The following MTR variants were observed in gnomAD, a reference collection of about 807,000 sequenced individuals.
The protein encoded by MTR is methionine synthase.
In MTR, 84 loss-of-function variants were observed where a neutral mutation model predicts 154.8. The ratio of observed to expected loss-of-function variants is 0.54; its 90% confidence interval spans 0.45 to 0.65. MTR has a LOEUF of 0.65. Among genes scored for constraint, MTR ranks in the 30% least tolerant of loss-of-function variants. The pLI, the probability that MTR is intolerant of heterozygous loss-of-function variation, is 0.00. For synonymous variants in MTR, 554 were observed against 553.9 expected (o/e 1.00, Z 0.00); for missense variants, 1,275 against 1,570.2 (o/e 0.81, Z 3.18).
chr1:236,796,779 A>G (rs925299685), intron 1 of MTR, among the ~76,000 whole-genome samples: 1 of 91,860 alleles, frequency 1.1e-5, no homozygotes, highest in African/African-American at 6.0e-5. Flanking sequence ...CATCTTATTT[A>G]TATTTAATAT....
Position 236,825,321 on chromosome 1 carries a change from G to A in MTR, c.866-17G>A. On this transcript the variant is annotated splice_polypyrimidine_tract_variant and intron_variant, in intron 9 of 32. Coordinates refer to ENST00000366577, the MANE Select transcript of MTR (RefSeq NM_000254.3). Reference sequence around the variant, plus strand: ...TTTAAGGCAATTTGCAATAATGGTTGAATTATCCTTTCTCAGGTCTTCCCA... The same window carrying A: ...TTTAAGGCAATTTGCAATAATGGTTAAATTATCCTTTCTCAGGTCTTCCCA... 1 of 1,605,190 alleles carries A rather than the reference G, an allele frequency of 6.2e-7. No homozygotes were observed. The highest frequency in any genetic ancestry group is 8.5e-7 in the Non-Finnish European group (1 of 1,172,062).
At chr1:236,823,247 A>G (rs1452830958) in intron 8 of MTR, among the ~76,000 whole-genome samples, 1 of 152,128 alleles carries the variant, frequency 6.6e-6, no homozygotes, top group African/African-American at 2.4e-5. Flanking sequence ...GTGTTTTTGG[A>G]TTGCAGAGTT....
Position 236,902,874 on chromosome 1 carries a change from A to G in MTR, c.*5230A>G, listed in dbSNP as rs2147983065. The G allele has an allele frequency of 6.6e-6, 1 of 152,370 alleles. No homozygotes were observed. The highest frequency in any genetic ancestry group is 2.1e-4 in the South Asian group (1 of 4,830). 9.4% of individuals were successfully genotyped at this position (152,370 alleles called of 1,614,324 possible). Reference sequence around the variant, plus strand: ...AAACAAAACCCTCAGTTCATGGCATACTTGCTATAAATCAGCTATGTGTAT... The same window carrying G: ...AAACAAAACCCTCAGTTCATGGCATGCTTGCTATAAATCAGCTATGTGTAT... On this transcript the variant is annotated 3_prime_UTR_variant, in exon 33 of 33. Coordinates refer to ENST00000366577, the MANE Select transcript of MTR (RefSeq NM_000254.3).
chr1:236,820,340 C>T (rs1661857398), intron 8 of MTR: 2 of 756,314 alleles, frequency 2.6e-6, no homozygotes, highest in African/African-American at 1.7e-5. Flanking sequence ...GCTCCAGCTC[C>T]CGAGTTCACT....
rs986257997 is a variant in MTR, at chr1:236,889,178, T to C, written c.2852-3T>C. 5.0e-6 allele frequency: 8 copies of C among 1,614,042 alleles called. No homozygotes were observed. In the Admixed American group the frequency reaches 1.3e-4, roughly 27 times the overall value. On this transcript the variant is annotated splice_polypyrimidine_tract_variant and splice_region_variant and intron_variant, in intron 27 of 32. Coordinates refer to ENST00000366577, the MANE Select transcript of MTR (RefSeq NM_000254.3). The stretch of plus-strand genomic sequence containing the variant: ...CATTGACAACCATACTTCTCTCCTG[T>C]AGTGAAGCCCACGTTTATTGGGACC...
At chr1:236,799,338 G>A (rs1660578203) in intron 1 of MTR, among the ~76,000 whole-genome samples, 1 of 151,216 alleles carries the variant, frequency 6.6e-6, no homozygotes, top group South Asian at 2.1e-4. Flanking sequence ...TGCCCAGGCT[G>A]TTTTCGAACT....
In MTR at chr1:236,795,452, T is replaced by TGGCCG. The variant is rs2102981479; in HGVS notation, c.-249_-245dup. ...TGGCTGCTAGGCCGACACCAAGGAC[T>TGGCCG]GGCCGGGTACCCGGGAAGAAAGCAC... On this transcript the variant is annotated 5_prime_UTR_variant, in exon 1 of 33. Transcript: ENST00000366577. 6.7e-7 allele frequency: 1 copy of TGGCCG among 1,495,662 alleles called. No individual in the cohort carries two copies. Among genetic ancestry groups the TGGCCG allele is most frequent in the East Asian group, 2.6e-5 (1 of 37,950 alleles). The allele number at this position is 1,495,662 out of a possible 1,614,324, so 92.6% of individuals were successfully genotyped here.
chr1:236,831,571 A>G (rs1475435714), intron 12 of MTR, among the ~76,000 whole-genome samples: 1 of 152,240 alleles, frequency 6.6e-6, no homozygotes, highest in African/African-American at 2.4e-5. Context: ...TTAAGCTAAC[A>G]TCTGAGCAGA....
intron 14 of MTR, among the ~76,000 whole-genome samples, chr1:236,837,118 A>T (rs528430209): frequency 6.6e-6 from 1 of 152,198 alleles, no homozygotes; most frequent in Non-Finnish European, 1.5e-5. Context: ...TCATTTTACC[A>T]GCACCTTTTC....
At chr1:236,806,625 A>G (rs981835271) in intron 3 of MTR, among the ~76,000 whole-genome samples, 7 of 152,216 alleles carry the variant, frequency 4.6e-5, no homozygotes, top group African/African-American at 1.7e-4. Flanking sequence ...TTTTAAGTGT[A>G]CACTTGAGTG....
intron 23 of MTR, 24 bp from the exon 24 acceptor site, chr1:236,874,698 CTTTT>C (rs150727404): frequency 4.9e-5 from 66 of 1,358,246 alleles, no homozygotes; most frequent in East Asian, 1.1e-4. Context: ...CCTTTTTGTC[CTTTT>C]TTTTTTAAAA....
intron 25 of MTR, 118 bp from the exon 26 acceptor site, chr1:236,885,003 G>C: frequency 1.4e-6 from 1 of 734,004 alleles, no homozygotes; most frequent in Non-Finnish European, 2.5e-6. Flanking sequence ...AGCACAGTTG[G>C]TGAAGGGAGA....
chr1:236,887,676 T>C (rs775130996), intron 27 of MTR, among the ~76,000 whole-genome samples: 4 of 152,248 alleles, frequency 2.6e-5, no homozygotes, highest in Non-Finnish European at 5.9e-5. Context: ...CATGGGCTAC[T>C]GCAGGGTCCG....
rs896569796 is a variant in MTR, at chr1:236,858,057, A to G, written c.1954-1776A>G. Among the ~76,000 whole-genome samples the G allele has an allele frequency of 2.0e-5, 3 of 152,192 alleles. No individual in the cohort carries two copies. In the East Asian group the frequency reaches 5.8e-4, roughly 29 times the overall value. On this transcript the variant is annotated intron_variant, in intron 18 of 32. Transcript: ENST00000366577. ...TGGGGAGGGGAGCATAAGGAACAGA[A>G]GTGTTCTGGATGGCTGAAGCTTGTC...
chr1:236,893,954 C>G (rs1381891459), intron 29 of MTR, among the ~76,000 whole-genome samples: 1 of 151,862 alleles, frequency 6.6e-6, no homozygotes, highest in Non-Finnish European at 1.5e-5. Flanking sequence ...TATTGGATCT[C>G]TTTTGAACAT....
intron 13 of MTR, 71 bp downstream of exon 13, chr1:236,832,149 C>A: frequency 8.4e-7 from 1 of 1,196,700 alleles, no homozygotes; most frequent in Non-Finnish European, 1.2e-6. Flanking sequence ...AATGAAACAG[C>A]TCTCTGCCTT....
chr1:236,885,778 C>G (rs1031363160), intron 26 of MTR, among the ~76,000 whole-genome samples: 1 of 152,104 alleles, frequency 6.6e-6, no homozygotes, highest in African/African-American at 2.4e-5. Flanking sequence ...GCCTTCTGGG[C>G]TTTGGTGGGA....
intron 24 of MTR, among the ~76,000 whole-genome samples, chr1:236,875,371 C>T (rs1663396131): frequency 1.3e-5 from 2 of 152,082 alleles, no homozygotes; most frequent in South Asian, 2.1e-4. Flanking sequence ...TTTGTGGGAA[C>T]CTTTGGGTTA....
chr1:236,848,374 A>T (rs1572258363), intron 15 of MTR, among the ~76,000 whole-genome samples: 1 of 152,214 alleles, frequency 6.6e-6, no homozygotes, highest in African/African-American at 2.4e-5. Context: ...TAGGTTACTC[A>T]GTAATACTAG....
Sources: gnomAD v4.1 joint callset for allele counts (sites outside exome capture counted in the v4.1 genomes callset) on GRCh38, gnomAD v4.1.1 for gene constraint, MANE v1.5 for transcripts, NCBI Gene and HGNC (gene_info 2026-07-23, HGNC 2026-07-21) for gene names.